The following METTL16 variants were observed in gnomAD, a reference collection of about 807,000 sequenced individuals.
METTL16 encodes methyltransferase 16, RNA N6-adenosine.
METTL16 carries 19 observed loss-of-function variants against 57.9 expected under a neutral mutation model. The ratio of observed to expected loss-of-function variants is 0.33; its 90% CI spans 0.23 to 0.48. The LOEUF (loss-of-function observed/expected upper bound fraction) is 0.48. Ranked by LOEUF, METTL16 falls within the 20% of genes least tolerant of loss-of-function variation. The pLI is 0.99. For missense variants in METTL16, 434 were observed against 691.5 expected, an observed-to-expected ratio of 0.63 and a Z score of 4.18; for synonymous variants, 246 against 255.6, an observed-to-expected ratio of 0.96 and a Z score of 0.36.
rs575786759 is a variant in METTL16, at chr17:2,417,753, T to C, written c.*2217A>G. On this transcript the variant is annotated 3_prime_UTR_variant, in exon 10 of 10. Transcript: ENST00000263092. ...AACACGCCAATGCCAAGAGTGGTTA[T>C]GTTACAGAAGGTTGGGACTCGGGGT... 6.6e-6 allele frequency: 1 copy of C among 152,198 alleles called. No homozygotes were observed. Among genetic ancestry groups the C allele is most frequent in the East Asian group, 1.9e-4 (1 of 5,190 alleles). The allele number at this position is 152,198 out of a possible 1,614,324, so 9.4% of individuals were successfully genotyped here. A position where few individuals can be genotyped will look rare whatever the true frequency, so the allele number is the denominator to read the frequency against.
At chr17:2,489,580 G>C (rs1040788620) in intron 2 of METTL16, among the ~76,000 whole-genome samples, 1 of 151,192 alleles carries the variant, frequency 6.6e-6, no homozygotes, top group Non-Finnish European at 1.5e-5. Context: ...TACTAAAAAT[G>C]CAAAAAAAAT....
At chr17:2,434,818 C>A (rs1158406196) in intron 8 of METTL16, among the ~76,000 whole-genome samples, 3 of 152,166 alleles carry the variant, frequency 2.0e-5, no homozygotes, top group Non-Finnish European at 4.4e-5. Context: ...ACAGCCACGT[C>A]CCAGGCTTAA....
chr17:2,500,482 C>A (rs113020528), intron 2 of METTL16, among the ~76,000 whole-genome samples: 4,086 of 151,930 alleles, frequency 0.027, 96 homozygotes, highest in African/African-American at 0.067. Flanking sequence ...GGTTTTCACC[C>A]TGTTGGTCAG....
At chr17:2,447,961 C>G (rs1469197035) in intron 6 of METTL16, among the ~76,000 whole-genome samples, 2 of 114,554 alleles carry the variant, frequency 1.7e-5, no homozygotes, top group Non-Finnish European at 3.6e-5. Context: ...GGGGGATCAG[C>G]CCCCCGCCTG....
At chr17:2,492,068 G>T (rs376760932) in intron 2 of METTL16, among the ~76,000 whole-genome samples, 1 of 147,642 alleles carries the variant, frequency 6.8e-6, no homozygotes, top group Admixed American at 6.8e-5. Context: ...AAAATTAGCC[G>T]GGCGTGGTGG....
chr17:2,442,751 T>C lies in METTL16; in HGVS notation c.729-1192A>G, dbSNP rs186441455. 9.9e-5 allele frequency among the ~76,000 whole-genome samples: 15 copies of C among 152,220 alleles called. No individual in the cohort carries two copies. The East Asian group carries it at 1.9e-3, about 20-fold the overall frequency. Reference sequence around the variant, plus strand: ...TATAGAACAACTTTTTGCCAATAAATTTCACAACTTAGATGAAACAAATTG... The same window carrying C: ...TATAGAACAACTTTTTGCCAATAAACTTCACAACTTAGATGAAACAAATTG... On this transcript the variant is annotated intron_variant, in intron 6 of 9. Coordinates refer to ENST00000263092, the MANE Select transcript of METTL16 (RefSeq NM_024086.4).
chr17:2,492,000 A>G (rs1245275857), intron 2 of METTL16, among the ~76,000 whole-genome samples: 1 of 151,456 alleles, frequency 6.6e-6, no homozygotes. Flanking sequence ...TCACGAGGTC[A>G]GGAGATCGAG....
intron 6 of METTL16, among the ~76,000 whole-genome samples, chr17:2,454,563 A>ATTTT (rs5818860): frequency 4.5e-4 from 57 of 126,250 alleles, no homozygotes; most frequent in African/African-American, 5.4e-4. Context: ...TATTATTATT[A>ATTTT]TTTTTTTTTT....
chr17:2,446,674 G>A lies in METTL16; in HGVS notation c.729-5115C>T, dbSNP rs570102099. ...TCTGATGCCGAGCCAAGGCTGGACG[G>A]TGCTGCTGCCATCTCGGCTCACTGC... is the stretch of plus-strand genomic sequence containing the variant. On this transcript the variant is annotated intron_variant, in intron 6 of 9. Transcript: ENST00000263092. Among the ~76,000 whole-genome samples the A allele has an allele frequency of 6.0e-5, 9 of 150,912 alleles. No individual in the cohort carries two copies. The South Asian group carries it at 1.9e-3, about 32-fold the overall frequency.
Position 2,501,987 on chromosome 17 carries a change from AT to A in METTL16, c.128+216del, listed in dbSNP as rs959668897. On this transcript the variant is annotated intron_variant, in intron 2 of 9. Coordinates refer to ENST00000263092, the MANE Select transcript of METTL16 (RefSeq NM_024086.4). ...AAGCAACAATTTGGACATCAAGAGAATTTTTTTTTAAGCCAGAAGGAAACTT... is the reference window on the plus strand; with the variant it reads ...AAGCAACAATTTGGACATCAAGAGAATTTTTTTTAAGCCAGAAGGAAACTT... 1.3e-3 allele frequency among the ~76,000 whole-genome samples: 190 copies of A among 151,896 alleles called. 1 individual carries two copies. The highest frequency in any genetic ancestry group is 2.3e-3 in the Non-Finnish European group (155 of 67,918).
At chr17:2,433,091 G>T (rs1238641807) in intron 8 of METTL16, among the ~76,000 whole-genome samples, 3 of 152,200 alleles carry the variant, frequency 2.0e-5, no homozygotes, top group African/African-American at 4.8e-5. Context: ...AACTGAAAGA[G>T]ATCAATGCAG....
intron 1 of METTL16, among the ~76,000 whole-genome samples, chr17:2,505,595 T>C (rs991505772): frequency 1.3e-5 from 2 of 151,852 alleles, no homozygotes; most frequent in African/African-American, 4.8e-5. Context: ...AGAGACTACA[T>C]TGCCCAGGCC....
At chr17:2,467,334 C>A (rs1032440425) in intron 5 of METTL16, among the ~76,000 whole-genome samples, 6 of 152,120 alleles carry the variant, frequency 3.9e-5, no homozygotes, top group Admixed American at 3.9e-4. Context: ...AGCAACACAG[C>A]GAGACCTCAT....
intron 8 of METTL16, among the ~76,000 whole-genome samples, chr17:2,423,389 G>C (rs1185805549): frequency 6.6e-6 from 1 of 151,974 alleles, no homozygotes; most frequent in African/African-American, 2.4e-5. Context: ...CAGACAAGAT[G>C]AGACAAATTC....
chr17:2,479,896 T>G (rs1039690324), intron 2 of METTL16, among the ~76,000 whole-genome samples: 2 of 151,980 alleles, frequency 1.3e-5, no homozygotes, highest in Non-Finnish European at 2.9e-5. Context: ...CCTATAAAAG[T>G]AAAGGACTGG....
chr17:2,505,799 C>T (rs1487240751), intron 1 of METTL16, among the ~76,000 whole-genome samples: 1 of 152,032 alleles, frequency 6.6e-6, no homozygotes, highest in Non-Finnish European at 1.5e-5. Flanking sequence ...TGTCCTTCTC[C>T]TATGTCCACC....
chr17:2,505,510 A>T (rs1199917396), intron 1 of METTL16, among the ~76,000 whole-genome samples: 2 of 145,682 alleles, frequency 1.4e-5, no homozygotes, highest in East Asian at 4.1e-4. Flanking sequence ...CAGCCTCCCA[A>T]AGTGCTAGGA....
At chr17:2,433,823 A>G (rs1455887755) in intron 8 of METTL16, among the ~76,000 whole-genome samples, 1 of 152,124 alleles carries the variant, frequency 6.6e-6, no homozygotes, top group Non-Finnish European at 1.5e-5. Flanking sequence ...TGGGAACGCC[A>G]CCCACCGACC....
chr17:2,439,644 A>G (rs991087329), intron 7 of METTL16, among the ~76,000 whole-genome samples: 1 of 152,158 alleles, frequency 6.6e-6, no homozygotes, highest in African/African-American at 2.4e-5. Flanking sequence ...TAAAAATTAA[A>G]AAAATATTAA....
Sources: gnomAD v4.1 joint callset for allele counts (sites outside exome capture counted in the v4.1 genomes callset) on GRCh38, gnomAD v4.1.1 for gene constraint, MANE v1.5 for transcripts, NCBI Gene and HGNC (gene_info 2026-07-23, HGNC 2026-07-21) for gene names.